The following PRKDC variants were observed in gnomAD, a reference collection of about 807,000 sequenced individuals.
PRKDC encodes the protein DNA-dependent protein kinase catalytic subunit.
A neutral mutation model predicts 486.9 loss-of-function variants in PRKDC; 82 were observed. The ratio of observed to expected loss-of-function variants is 0.17; its 90% CI spans 0.14 to 0.20. The LOEUF (loss-of-function observed/expected upper bound fraction) is 0.20, where lower values mean the gene tolerates loss of function less well. Ranked by LOEUF, PRKDC falls within the 10% of genes least tolerant of loss-of-function variation. The pLI, the probability that PRKDC is intolerant of heterozygous loss-of-function variation, is 1.00. For synonymous variants in PRKDC, 1,895 were observed against 1,837.0 expected (o/e 1.03, Z -0.81); for missense variants, 4,504 against 5,038.2 (o/e 0.89, Z 3.21).
At chr8:47,861,196 T>A (rs2088669155) in intron 44 of PRKDC, among the ~76,000 whole-genome samples, 1 of 152,202 alleles carries the variant, frequency 6.6e-6, no homozygotes, top group Admixed American at 6.5e-5. Context: ...TTAACCTCCA[T>A]CTCAGCTCTG....
chr8:47,862,584 C>A, intron 42 of PRKDC, 43 bp from the exon 43 acceptor site: 1 of 1,534,764 alleles, frequency 6.5e-7, no homozygotes. Context: ...CACAACATGG[C>A]AATCACTGCT....
chr8:47,815,831 C>CA, intron 68 of PRKDC, among the ~76,000 whole-genome samples: 1 of 152,276 alleles, frequency 6.6e-6, no homozygotes, highest in Middle Eastern at 3.4e-3. Context: ...TTGTATGTCT[C>CA]AAAGCAGCTC....
intron 41 of PRKDC, among the ~76,000 whole-genome samples, chr8:47,864,197 G>T (rs1430560713): frequency 7.2e-6 from 1 of 138,972 alleles, no homozygotes; most frequent in Non-Finnish European, 1.7e-5. Flanking sequence ...ATGTGACCAG[G>T]GAGGAAGAGA....
In PRKDC at chr8:47,936,782, AT is replaced by A. The variant is rs869164665; in HGVS notation, c.1114-266del. On this transcript the variant is annotated intron_variant, in intron 11 of 85. Coordinates refer to ENST00000314191, the MANE Select transcript of PRKDC (RefSeq NM_006904.7). ...CAGGCATGTGCCACCACGCCTGGCT[AT>A]TTTTTTTTTTTTTTTGTATTAAGTA... Among the ~76,000 whole-genome samples the A allele has an allele frequency of 3.0e-3, 380 of 128,606 alleles. No individual in the cohort carries two copies. The highest frequency in any genetic ancestry group is 4.7e-3 in the East Asian group (20 of 4,270). 84.4% of individuals were successfully genotyped at this position (128,606 alleles called of 152,430 possible).
intron 68 of PRKDC, among the ~76,000 whole-genome samples, chr8:47,808,590 T>G (rs1038711038): frequency 3.3e-5 from 5 of 152,216 alleles, no homozygotes; most frequent in East Asian, 1.9e-4. Context: ...TCCTCCTGCC[T>G]CAGCCTCCCA....
chr8:47,783,715 G>C, intron 78 of PRKDC, 27 bp downstream of exon 78: 1 of 1,612,134 alleles, frequency 6.2e-7, no homozygotes, highest in Non-Finnish European at 8.5e-7. Context: ...TCAGGACAGG[G>C]ACTGGGTCAC....
rs1376937128 is a variant in PRKDC, at chr8:47,889,211, C to G, written c.4083G>C (p.Lys1361Asn). The G allele has an allele frequency of 6.2e-7, 1 of 1,605,216 alleles. No homozygotes were observed. The highest frequency in any genetic ancestry group is 1.7e-5 in the Admixed American group (1 of 58,944). Reference sequence around the variant, plus strand: ...TCATCAGGTGTGTATTACACAAGTCCTTCTTCAGGAGCTGTAACAGATTGT... The same window carrying G: ...TCATCAGGTGTGTATTACACAAGTCGTTCTTCAGGAGCTGTAACAGATTGT... ...TSPEGWKLLK[K>N]DLCNTHLMRV... Residue 1361 changes from lysine to asparagine, a missense_variant, in exon 33 of 86, where the codon AAG (lysine) becomes AAC (asparagine). Physicochemically the swap from Lys to Asn is moderately conservative, Grantham distance 94. This residue lies in a region of PRKDC where 1,969 missense variants were observed against 2,068.9 expected (regional missense o/e 0.95). Transcript: ENST00000314191.
Position 47,957,195 on chromosome 8 carries a change from G to T in PRKDC, c.300C>A (p.Ile100=). The change falls in exon 3 of 86, where the codon ATC becomes ATA. Residue 100 remains isoleucine (I), a synonymous_variant. Coordinates refer to ENST00000314191, the MANE Select transcript of PRKDC (RefSeq NM_006904.7). The part of the protein sequence containing the change: ...CIFLEKMGQK[I]APYSVEIKNT... ...CCTTAATTTCAACAGAGTAAGGTGC[G>T]ATCTTCTGGCCCATTTTTTCTAAGA... The T allele has an allele frequency of 7.5e-6, 12 of 1,593,098 alleles. No homozygotes were observed. The highest frequency in any genetic ancestry group is 1.1e-5 in the South Asian group (1 of 90,226).
chr8:47,788,962 C>T lies in PRKDC; in HGVS notation c.10846G>A (p.Ala3616Thr). The T allele has an allele frequency of 5.6e-6, 9 of 1,613,532 alleles. No homozygotes were observed. The highest frequency in any genetic ancestry group is 7.6e-6 in the Non-Finnish European group (9 of 1,179,696). Residue 3616 changes from alanine to threonine, a missense_variant, in exon 76 of 86, where the codon GCC becomes ACC. Physicochemically the swap from Ala to Thr is moderately conservative, Grantham distance 58 (BLOSUM62 0). Transcript: ENST00000314191. ...CCTGGAGCCTTTGGGTCACCCAAGG[C>T]TGCATACATTCTTTCATACATTTTT... ...IEKMYERMYA[A>T]LGDPKAPGLG...
chr8:47,836,816 G>A (rs769820918), intron 57 of PRKDC, among the ~76,000 whole-genome samples: 6 of 152,340 alleles, frequency 3.9e-5, no homozygotes, highest in Admixed American at 1.3e-4. Context: ...TGAGTCAAGC[G>A]ACCCAGCTTG....
intron 77 of PRKDC, among the ~76,000 whole-genome samples, chr8:47,784,671 C>T (rs2086761042): frequency 6.6e-6 from 1 of 151,560 alleles, no homozygotes; most frequent in Admixed American, 6.6e-5. Context: ...ATCTTTTTTC[C>T]TGCAGGTCAG....
chr8:47,899,347 T>C (rs1045484134), intron 28 of PRKDC, among the ~76,000 whole-genome samples: 9 of 152,132 alleles, frequency 5.9e-5, no homozygotes, highest in African/African-American at 1.9e-4. Flanking sequence ...TCTGTCTTTT[T>C]AAAAAATAAA....
rs369634271 is a variant in PRKDC, at chr8:47,954,329, G to A, written c.508+9C>T. On this transcript the variant is annotated intron_variant, in intron 5 of 85. Coordinates refer to ENST00000314191, the MANE Select transcript of PRKDC (RefSeq NM_006904.7). ...AACTATTTGAAAATAACATGTAAATGCATCTCACCTGTATCTGGTATTTTT... is the reference window on the plus strand; with the variant it reads ...AACTATTTGAAAATAACATGTAAATACATCTCACCTGTATCTGGTATTTTT... 23 of 1,059,558 alleles carry A rather than the reference G, an allele frequency of 2.2e-5. No homozygotes were observed. In the African/African-American group the frequency reaches 2.5e-4, roughly 11 times the overall value. 65.6% of individuals were successfully genotyped at this position (1,059,558 alleles called of 1,614,324 possible). A position where few individuals can be genotyped will look rare whatever the true frequency, so the allele number is the denominator to read the frequency against.
chr8:47,775,217 T>TA lies in PRKDC; in HGVS notation c.12183-841dup, dbSNP rs2086586811. Among the ~76,000 whole-genome samples, 6 of 151,020 alleles carry TA rather than the reference T, an allele frequency of 4.0e-5. No individual in the cohort carries two copies. The South Asian group carries it at 8.5e-4, about 21-fold the overall frequency. ...TAAATAAATAAATAAATAAATAAAT[T>TA]AATTAATTAATAGCCATCCTAGCAG... On this transcript the variant is annotated intron_variant, in intron 85 of 85. Transcript: ENST00000314191.
At chr8:47,905,580 TC>T (rs1045962361) in intron 25 of PRKDC, among the ~76,000 whole-genome samples, 4 of 152,124 alleles carry the variant, frequency 2.6e-5, no homozygotes, top group Admixed American at 6.5e-5. Flanking sequence ...CCTAACTGTC[TC>T]CCCTTGTGGT....
intron 31 of PRKDC, among the ~76,000 whole-genome samples, chr8:47,891,678 C>A (rs1589770318): frequency 6.6e-6 from 1 of 152,044 alleles, no homozygotes; most frequent in African/African-American, 2.4e-5. Context: ...CAAGATCGCG[C>A]CACTGCACTC....
rs376811150 is a variant in PRKDC, at chr8:47,957,445, T to C, written c.155-14A>G. The stretch of plus-strand genomic sequence containing the variant: ...ATGTCTGTAATGCTGTTCAAAAAAA[T>C]AAGTAAACAAGTTAAGAGAGTGCCA... On this transcript the variant is annotated splice_polypyrimidine_tract_variant and intron_variant, in intron 1 of 85. Coordinates refer to ENST00000314191, the MANE Select transcript of PRKDC (RefSeq NM_006904.7). The C allele has an allele frequency of 1.3e-5, 20 of 1,560,930 alleles. No homozygotes were observed. Among genetic ancestry groups the C allele is most frequent in the Non-Finnish European group, 1.7e-5 (19 of 1,150,480 alleles).
At chr8:47,930,866 C>G in intron 16 of PRKDC, 79 bp from the exon 17 acceptor site, 1 of 1,347,922 alleles carries the variant, frequency 7.4e-7, no homozygotes, top group Non-Finnish European at 1.0e-6. Flanking sequence ...CAACTGACTT[C>G]ATGGTCAAGG....
chr8:47,894,314 G>C (rs1370637668), intron 30 of PRKDC, among the ~76,000 whole-genome samples: 1 of 152,124 alleles, frequency 6.6e-6, no homozygotes, highest in African/African-American at 2.4e-5. Flanking sequence ...TGTATATTAA[G>C]AGGAGGAATA....
Sources: gnomAD v4.1 joint callset for allele counts (sites outside exome capture counted in the v4.1 genomes callset) on GRCh38, gnomAD v4.1.1 for gene constraint, gnomAD v4.1.1 regional missense constraint, MANE v1.5 for transcripts, NCBI Gene and HGNC (gene_info 2026-07-23, HGNC 2026-07-21) for gene names.